Variants in GNG7 observed in about 807,000 individuals in gnomAD.
The protein encoded by GNG7 is G protein subunit gamma 7, also known as guanine nucleotide-binding protein G(I)/G(S)/G(O) subunit gamma-7.
GNG7 carries 1 observed loss-of-function variant against 4.0 expected under a neutral mutation model. The observed-to-expected ratio is 0.25, with a 90% CI of 0.09 to 1.18. GNG7 has a LOEUF of 1.18. Ranked by LOEUF, GNG7 falls within the 50% of genes most tolerant of loss-of-function variation. The pLI is 0.50. For synonymous variants in GNG7, 34 were observed against 36.9 expected, an observed-to-expected ratio of 0.92 and a Z score of 0.29; for missense variants, 86 against 91.9, an observed-to-expected ratio of 0.94 and a Z score of 0.26.
intron 2 of GNG7, among the ~76,000 whole-genome samples, chr19:2,571,962 TTGTC>T (rs1462578542): frequency 2.0e-5 from 3 of 152,062 alleles, no homozygotes; most frequent in Non-Finnish European, 4.4e-5. Context: ...ATTGGCCTAT[TTGTC>T]TGTTCTTTTG....
chr19:2,661,325 A>G (rs1031996744), intron 1 of GNG7, among the ~76,000 whole-genome samples: 1 of 144,336 alleles, frequency 6.9e-6, no homozygotes, highest in Non-Finnish European at 1.5e-5. Flanking sequence ...AGAAAGAAAG[A>G]AAGAAAGAAA....
chr19:2,694,606 C>G (rs1162002070), intron 1 of GNG7, among the ~76,000 whole-genome samples: 4 of 151,998 alleles, frequency 2.6e-5, no homozygotes, highest in African/African-American at 9.7e-5. Context: ...ATGGGGCAGA[C>G]AGTGTAAATC....
At chr19:2,647,514 G>C (rs958293940) in intron 1 of GNG7, among the ~76,000 whole-genome samples, 5 of 152,120 alleles carry the variant, frequency 3.3e-5, no homozygotes, top group Non-Finnish European at 5.9e-5. Context: ...GGTCCTCCCA[G>C]CGAGTCGCCC....
intron 1 of GNG7, among the ~76,000 whole-genome samples, chr19:2,672,078 C>G (rs1239563817): frequency 7.1e-6 from 1 of 140,264 alleles, no homozygotes; most frequent in Non-Finnish European, 1.5e-5. Flanking sequence ...AAGATGGAGT[C>G]TCGCTCTCTC....
rs1429605938 is a variant in GNG7 at position 2,656,049 on chromosome 19, AAAG to A, written c.-134-9772_-134-9770del. On this transcript the variant is annotated intron_variant, in intron 1 of 4. Transcript: ENST00000382159. ...CAAAACAAAAAAAAAAAAAAGAAAGAAAGAAAAAAAAAAGAAACATTGGTAAGG... is the reference window on the plus strand; with the variant it reads ...CAAAACAAAAAAAAAAAAAAGAAAGAAAAAAAAAAAGAAACATTGGTAAGG... Among the ~76,000 whole-genome samples the A allele has an allele frequency of 2.3e-3, 243 of 103,836 alleles. 3 individuals carry two copies. The highest frequency in any genetic ancestry group is 0.011 in the African/African-American group (234 of 20,808). The allele number at this position is 103,836 out of a possible 152,430, so 68.1% of individuals were successfully genotyped here.
At position 2,609,463 on chromosome 19, in the gene GNG7, G is replaced by A. The variant is rs937413402; in HGVS notation, c.-78+36761C>T. ...CTGGGATTTGGGAGCCGACAGGTCCGGGTAACAACTGCAGTTTAGCCGCTC... is the reference window on the plus strand; with the variant it reads ...CTGGGATTTGGGAGCCGACAGGTCCAGGTAACAACTGCAGTTTAGCCGCTC... On this transcript the variant is annotated intron_variant, in intron 2 of 4. Transcript: ENST00000382159. The surrounding 1 kb of genome is among the most constrained non-coding windows in gnomAD (Gnocchi z 4.4). Among the ~76,000 whole-genome samples, 7 of 152,106 alleles carry A rather than the reference G, an allele frequency of 4.6e-5. No homozygotes were observed. Among genetic ancestry groups the A allele is most frequent in the African/African-American group, 1.4e-4 (6 of 41,406 alleles).
rs1201080358 is a variant in GNG7 at position 2,546,677 on chromosome 19, G to A, written c.-38+8472C>T. 6.6e-6 allele frequency among the ~76,000 whole-genome samples: 1 copy of A among 152,162 alleles called. No homozygotes were observed. The highest frequency in any genetic ancestry group is 6.5e-5 in the Admixed American group (1 of 15,268). On this transcript the variant is annotated intron_variant, in intron 3 of 4. Coordinates refer to ENST00000382159, the MANE Select transcript of GNG7 (RefSeq NM_052847.3). This position sits in a 1 kb window ranked among gnomAD's most constrained non-coding sequence, Gnocchi z 6.3. ...GGAGCTTGGAGCCTAAGAATGAGCC[G>A]GCTTGTTCAGACAAAGAGGCCGCGA...
At chr19:2,535,499 CA>C (rs113272956) in intron 3 of GNG7, among the ~76,000 whole-genome samples, 49,570 of 133,158 alleles carry the variant, frequency 0.37, 8,515 homozygotes, top group East Asian at 0.53. Flanking sequence ...GACCTTGTCT[CA>C]AAAAAAAAAA....
At chr19:2,662,909 A>C (rs1983215590) in intron 1 of GNG7, among the ~76,000 whole-genome samples, 1 of 152,188 alleles carries the variant, frequency 6.6e-6, no homozygotes, top group Admixed American at 6.5e-5. Flanking sequence ...GTCAGCCATC[A>C]GTCGACTTAT....
rs559571130 is a variant in GNG7, at chr19:2,699,319, T to C, written c.-135+3327A>G. On this transcript the variant is annotated intron_variant, in intron 1 of 4. Transcript: ENST00000382159. ...GTGTGCTACCACGCCCAGTTAGTTT[T>C]TGTATTTTTAGTACAGATGGGGTTT... Among the ~76,000 whole-genome samples, 236 of 152,252 alleles carry C rather than the reference T, an allele frequency of 1.6e-3. 1 individual carries two copies. The highest frequency in any genetic ancestry group is 5.1e-3 in the African/African-American group (213 of 41,552).
At chr19:2,519,640 A>G (rs1394723473) in intron 4 of GNG7, among the ~76,000 whole-genome samples, 1 of 145,798 alleles carries the variant, frequency 6.9e-6, no homozygotes, top group East Asian at 2.0e-4. Flanking sequence ...AAATCCGTAG[A>G]CTTCAAGCAC....
At chr19:2,684,002 C>G (rs953385404) in intron 1 of GNG7, among the ~76,000 whole-genome samples, 5 of 152,146 alleles carry the variant, frequency 3.3e-5, no homozygotes, top group African/African-American at 1.2e-4. Context: ...CACAGAAGTG[C>G]GACCAGCAAG....
At chr19:2,693,805 G>C (rs958964424) in intron 1 of GNG7, among the ~76,000 whole-genome samples, 3 of 152,108 alleles carry the variant, frequency 2.0e-5, no homozygotes, top group African/African-American at 7.2e-5. Flanking sequence ...ACATGAGACA[G>C]AGACAGCACC....
intron 1 of GNG7, among the ~76,000 whole-genome samples, chr19:2,650,169 C>T (rs1326710547): frequency 6.8e-6 from 1 of 147,018 alleles, no homozygotes; most frequent in Non-Finnish European, 1.5e-5. Flanking sequence ...TGTGAATATT[C>T]GTGTCATAGG....
intron 2 of GNG7, chr19:2,595,341 C>G (rs924992608): frequency 1.3e-5 from 2 of 151,596 alleles, no homozygotes; most frequent in Admixed American, 6.6e-5. Flanking sequence ...TTGGTCAGGC[C>G]GGTCTTGAAC....
intron 2 of GNG7, chr19:2,643,594 G>A (rs550254478): frequency 3.4e-5 from 14 of 416,216 alleles, no homozygotes; most frequent in African/African-American, 9.2e-5. Flanking sequence ...CTTCCGGCCC[G>A]GCTCCGTCGG....
chr19:2,555,687 G>T (rs1444320910), intron 2 of GNG7, among the ~76,000 whole-genome samples: 1 of 152,204 alleles, frequency 6.6e-6, no homozygotes, highest in South Asian at 2.1e-4. Context: ...CAGGTATACG[G>T]GGGGCAGGAA....
At chr19:2,599,004 C>T (rs1480192956) in intron 2 of GNG7, among the ~76,000 whole-genome samples, 1 of 152,116 alleles carries the variant, frequency 6.6e-6, no homozygotes, top group Non-Finnish European at 1.5e-5. Flanking sequence ...ACAGTTCCAC[C>T]GAGGGCCCAT....
chr19:2,524,025 G>A (rs1219217384), intron 3 of GNG7, among the ~76,000 whole-genome samples: 1 of 152,216 alleles, frequency 6.6e-6, no homozygotes, highest in Non-Finnish European at 1.5e-5. Flanking sequence ...ACCGCCCTTG[G>A]TTGGGCTTAA....
Sources: allele counts gnomAD v4.1 joint callset (sites outside exome capture counted in the v4.1 genomes callset), GRCh38; gene constraint gnomAD v4.1.1; non-coding constraint Gnocchi (gnomAD v3.1); transcripts MANE v1.5; gene names NCBI Gene and HGNC (gene_info 2026-07-23, HGNC 2026-07-21).